Variants in CDH13 observed in about 807,000 individuals in gnomAD.
The protein encoded by CDH13 is cadherin 13, also known as cadherin-13.
In CDH13, 24 loss-of-function variants were observed where a neutral mutation model predicts 63.8. The ratio of observed to expected loss-of-function variants is 0.38; its 90% CI spans 0.27 to 0.53. CDH13 has a LOEUF of 0.53. Among genes scored for constraint, CDH13 ranks in the 20% least tolerant of loss-of-function variants. The pLI is 0.85. For synonymous variants in CDH13, 503 were observed against 355.3 expected (o/e 1.42, Z -4.67); for missense variants, 1,049 against 903.1 (o/e 1.16, Z -2.07).
intron 6 of CDH13, among the ~76,000 whole-genome samples, chr16:83,471,169 A>T: frequency 6.6e-6 from 1 of 151,950 alleles, no homozygotes; most frequent in East Asian, 1.9e-4. Context: ...ATCTTTAATG[A>T]CATTGACTAA....
intron 13 of CDH13, among the ~76,000 whole-genome samples, chr16:83,791,525 A>G (rs2151020723): frequency 6.6e-6 from 1 of 151,770 alleles, no homozygotes; most frequent in Middle Eastern, 3.4e-3. Flanking sequence ...TAAAATATGC[A>G]TGCCTGGCTG....
At chr16:83,242,834 G>T (rs913202990) in intron 5 of CDH13, among the ~76,000 whole-genome samples, 5 of 152,210 alleles carry the variant, frequency 3.3e-5, no homozygotes, top group African/African-American at 1.2e-4. Context: ...AGACATATCA[G>T]TCACTTTCTC....
intron 10 of CDH13, among the ~76,000 whole-genome samples, chr16:83,745,755 T>C (rs1284189549): frequency 1.3e-5 from 2 of 152,158 alleles, no homozygotes; most frequent in Non-Finnish European, 2.9e-5. Flanking sequence ...GTTCTTCTTC[T>C]CCTTGGCCAC....
chr16:82,882,976 T>C (rs1000930608), intron 2 of CDH13, among the ~76,000 whole-genome samples: 4 of 152,168 alleles, frequency 2.6e-5, no homozygotes, highest in Non-Finnish European at 2.9e-5. Flanking sequence ...TTGCCTGTAA[T>C]GTGTAGAGGT....
At chr16:82,824,272 G>A (rs557182693) in intron 1 of CDH13, 1 of 151,680 alleles carries the variant, frequency 6.6e-6, no homozygotes, top group Non-Finnish European at 1.5e-5. Flanking sequence ...ACCTTACAAA[G>A]ATGATAGAAA....
rs1435523660 is a variant in CDH13, at chr16:82,752,876, C to G, written c.46-105486C>G. On this transcript the variant is annotated intron_variant, in intron 1 of 13. Coordinates refer to ENST00000567109, the MANE Select transcript of CDH13 (RefSeq NM_001257.5). Reference sequence around the variant, plus strand: ...ACTGGGGAGGGATGTGCAGCCGCACCCCATTATTGTACCCCATTATGTAGT... The same window carrying G: ...ACTGGGGAGGGATGTGCAGCCGCACGCCATTATTGTACCCCATTATGTAGT... 2.0e-5 allele frequency among the ~76,000 whole-genome samples: 3 copies of G among 152,198 alleles called. No individual in the cohort carries two copies. In the East Asian group the frequency reaches 5.8e-4, roughly 29 times the overall value.
At chr16:83,175,885 A>G (rs888083707) in intron 4 of CDH13, among the ~76,000 whole-genome samples, 2 of 139,596 alleles carry the variant, frequency 1.4e-5, no homozygotes, top group African/African-American at 2.8e-5. Context: ...CTAGAGTGTA[A>G]TGGCGCGATC....
intron 2 of CDH13, among the ~76,000 whole-genome samples, chr16:82,976,761 C>A (rs546531415): frequency 6.6e-6 from 1 of 152,308 alleles, no homozygotes; most frequent in Admixed American, 6.5e-5. Flanking sequence ...CGAAAATGCA[C>A]TAAGCAAGAG....
intron 6 of CDH13, among the ~76,000 whole-genome samples, chr16:83,373,159 C>T (rs528342781): frequency 3.4e-4 from 51 of 152,168 alleles, no homozygotes; most frequent in African/African-American, 1.0e-3. Flanking sequence ...ATATTGAAAA[C>T]GTTTGCCGTG....
chr16:83,715,795 G>C (rs1169661098), intron 10 of CDH13, among the ~76,000 whole-genome samples: 3 of 152,086 alleles, frequency 2.0e-5, no homozygotes, highest in African/African-American at 7.2e-5. Context: ...GCTCGGGGAT[G>C]GTCAACCTTG....
At chr16:82,781,880 G>C (rs1597560464) in intron 1 of CDH13, among the ~76,000 whole-genome samples, 1 of 152,178 alleles carries the variant, frequency 6.6e-6, no homozygotes, top group East Asian at 1.9e-4. Flanking sequence ...AGTGTGCTCA[G>C]TGCACCTACA....
intron 3 of CDH13, among the ~76,000 whole-genome samples, chr16:83,094,722 C>G (rs1040108880): frequency 2.0e-5 from 3 of 152,234 alleles, no homozygotes; most frequent in African/African-American, 7.2e-5. Flanking sequence ...AGTAGCATTT[C>G]ATAACCAGTA....
At chr16:83,436,250 G>C (rs2072299179) in intron 6 of CDH13, among the ~76,000 whole-genome samples, 1 of 152,158 alleles carries the variant, frequency 6.6e-6, no homozygotes, top group Admixed American at 6.5e-5. Flanking sequence ...TTCATTGGTT[G>C]TTTCATTCTG....
intron 8 of CDH13, among the ~76,000 whole-genome samples, chr16:83,650,393 C>A (rs922290702): frequency 7.9e-5 from 12 of 152,176 alleles, no homozygotes; most frequent in Admixed American, 6.5e-5. Context: ...TTACTATGCT[C>A]TTCCAGCATT....
intron 6 of CDH13, among the ~76,000 whole-genome samples, chr16:83,465,263 G>A (rs781266668): frequency 6.6e-6 from 1 of 152,190 alleles, no homozygotes; most frequent in Non-Finnish European, 1.5e-5. Context: ...TGTGAGGAGC[G>A]AATGGGCTAG....
chr16:83,352,247 G>A lies in CDH13; in HGVS notation c.781+7241G>A, dbSNP rs77476149. On this transcript the variant is annotated intron_variant, in intron 6 of 13. Coordinates refer to ENST00000567109, the MANE Select transcript of CDH13 (RefSeq NM_001257.5). ...GAAAGAGTTGCATAATCCAATCAGA[G>A]ACCATTTCCCAAAAGGAAAATTCAC... 4.2e-3 allele frequency among the ~76,000 whole-genome samples: 642 copies of A among 151,958 alleles called. 1 individual carries two copies. Among genetic ancestry groups the A allele is most frequent in the Middle Eastern group, 0.02 (6 of 294 alleles).
chr16:83,421,754 A>T (rs182567278), intron 6 of CDH13, among the ~76,000 whole-genome samples: 1 of 152,190 alleles, frequency 6.6e-6, no homozygotes, highest in African/African-American at 2.4e-5. Context: ...TTGGAAATGG[A>T]CTTTGTGGTG....
chr16:82,960,231 T>C (rs1244295401), intron 2 of CDH13, among the ~76,000 whole-genome samples: 1 of 152,104 alleles, frequency 6.6e-6, no homozygotes, highest in African/African-American at 2.4e-5. Flanking sequence ...AGCAGTAGGA[T>C]AAGGGACATA....
chr16:82,945,602 T>C (rs1904624249), intron 2 of CDH13, among the ~76,000 whole-genome samples: 1 of 152,154 alleles, frequency 6.6e-6, no homozygotes, highest in Non-Finnish European at 1.5e-5. Context: ...CGCGGTTGTT[T>C]AGTTTTGCTT....
Sources: allele counts gnomAD v4.1 joint callset (sites outside exome capture counted in the v4.1 genomes callset), GRCh38; gene constraint gnomAD v4.1.1; transcripts MANE v1.5; gene names NCBI Gene and HGNC (gene_info 2026-07-23, HGNC 2026-07-21).